LYPLAL1: variants seen among roughly 807,000 people sequenced by gnomAD.
LYPLAL1 encodes lysophospholipase like 1.
Under a neutral mutation model 19.7 loss-of-function variants are expected in LYPLAL1, and 23 were observed. The observed-to-expected ratio is 1.17, with a 90% confidence interval of 0.84 to 1.65. The LOEUF is 1.65. LYPLAL1 is among the 40% of genes most tolerant of loss of function. The pLI is 0.00. For missense variants in LYPLAL1, 355 were observed against 279.4 expected (o/e 1.27, Z -1.93); for synonymous variants, 119 against 96.3 (o/e 1.24, Z -1.38).
chr1:219,241,145 T>A, the LYPLAL1 span, among the ~76,000 whole-genome samples: 1 of 136,260 alleles, frequency 7.3e-6, no homozygotes, highest in African/African-American at 2.7e-5. Context: ...TATATATATA[T>A]ATATATATAT....
At chr1:219,421,680 C>T in the LYPLAL1 span, among the ~76,000 whole-genome samples, 1 of 151,708 alleles carries the variant, frequency 6.6e-6, no homozygotes, top group Non-Finnish European at 1.5e-5. Flanking sequence ...ATAAGTAGTG[C>T]CATGAGATGG....
the LYPLAL1 span, among the ~76,000 whole-genome samples, chr1:219,353,415 C>G: frequency 2.6e-5 from 4 of 152,216 alleles, no homozygotes; most frequent in African/African-American, 9.7e-5. Context: ...CTATTGGAGA[C>G]AGATAAACTG....
chr1:219,283,203 T>C, the LYPLAL1 span, among the ~76,000 whole-genome samples: 1 of 152,100 alleles, frequency 6.6e-6, no homozygotes, highest in African/African-American at 2.4e-5. Context: ...CGGCACCCAG[T>C]AGGACTTTTC....
At chr1:219,419,594 C>CACACACACACACACACACAGAG in the LYPLAL1 span, among the ~76,000 whole-genome samples, 4 of 99,530 alleles carry the variant, frequency 4.0e-5, no homozygotes, top group African/African-American at 1.2e-4. Context: ...CACACACACA[C>CACACACACACACACACACAGAG]AGAGAGAGAG....
chr1:219,410,209 C>T, the LYPLAL1 span: 1 of 152,304 alleles, frequency 6.6e-6, no homozygotes, highest in East Asian at 1.9e-4. Context: ...TCCTCCACTC[C>T]CTATCACATA....
At chr1:219,356,196 A>G in the LYPLAL1 span, among the ~76,000 whole-genome samples, 2 of 152,190 alleles carry the variant, frequency 1.3e-5, no homozygotes, top group Admixed American at 1.3e-4. Context: ...AAATGATTGA[A>G]TGGTTTAAAA....
chr1:219,357,105 A>G, the LYPLAL1 span, among the ~76,000 whole-genome samples: 1 of 152,204 alleles, frequency 6.6e-6, no homozygotes, highest in South Asian at 2.1e-4. Context: ...TATTATTGGG[A>G]AAAAAATTTC....
chr1:219,352,492 T>A, the LYPLAL1 span, among the ~76,000 whole-genome samples: 1 of 152,262 alleles, frequency 6.6e-6, no homozygotes, highest in African/African-American at 2.4e-5. Flanking sequence ...CACTCCAGCC[T>A]GGGTGACGGA....
At chr1:219,345,581 G>A in the LYPLAL1 span, among the ~76,000 whole-genome samples, 5 of 152,072 alleles carry the variant, frequency 3.3e-5, no homozygotes, top group African/African-American at 1.2e-4. Flanking sequence ...GGCAAGTTTT[G>A]GTGAGAACAC....
chr1:219,326,450 G>A, the LYPLAL1 span, among the ~76,000 whole-genome samples: 9 of 152,248 alleles, frequency 5.9e-5, no homozygotes, highest in East Asian at 1.5e-3. Flanking sequence ...AAAGATGGCT[G>A]GGACCCTGAA....
chr1:219,261,531 C>G, the LYPLAL1 span, among the ~76,000 whole-genome samples: 1 of 152,170 alleles, frequency 6.6e-6, no homozygotes, highest in Non-Finnish European at 1.5e-5. Context: ...GGTAGCACTC[C>G]TTTTAACCTT....
the LYPLAL1 span, among the ~76,000 whole-genome samples, chr1:219,315,543 A>G: frequency 6.6e-6 from 1 of 152,312 alleles, no homozygotes; most frequent in East Asian, 1.9e-4. Context: ...CTTAAAATAG[A>G]CATCATTTTA....
At chr1:219,213,227 G>A (rs1050690880), downstream of LYPLAL1, among the ~76,000 whole-genome samples, 5 of 151,964 alleles carry the variant, frequency 3.3e-5, no homozygotes, top group Non-Finnish European at 7.4e-5. Context: ...AATTCAGCTA[G>A]ATCTTGCCTT....
chr1:219,387,808 C>G, the LYPLAL1 span, among the ~76,000 whole-genome samples: 1 of 152,274 alleles, frequency 6.6e-6, no homozygotes, highest in Non-Finnish European at 1.5e-5. Context: ...GTTCTTCTAA[C>G]TGTCTAAATT....
chr1:219,212,795 A>G lies in LYPLAL1; in HGVS notation c.*1067A>G, dbSNP rs570405335. 1 of 152,128 alleles carries G rather than the reference A, an allele frequency of 6.6e-6. No homozygotes were observed. Among genetic ancestry groups the G allele is most frequent in the Non-Finnish European group, 1.5e-5 (1 of 67,912 alleles). 9.4% of individuals were successfully genotyped at this position (152,128 alleles called of 1,614,324 possible). On this transcript the variant is annotated 3_prime_UTR_variant, in exon 5 of 5. Transcript: ENST00000366928. ...TGTATCACTATTTGTTTACACATTCACCACTGATATATAAGTTGCTTCCAG... is the reference window on the plus strand; with the variant it reads ...TGTATCACTATTTGTTTACACATTCGCCACTGATATATAAGTTGCTTCCAG...
chr1:219,232,451 G>T, the LYPLAL1 span, among the ~76,000 whole-genome samples: 1 of 152,084 alleles, frequency 6.6e-6, no homozygotes, highest in African/African-American at 2.4e-5. Context: ...AACATAAGAA[G>T]AAAGTTTCAT....
chr1:219,200,309 C>A, intron 3 of LYPLAL1: 1 of 205,918 alleles, frequency 4.9e-6, no homozygotes. Flanking sequence ...TTTCATCAGT[C>A]ATTTTAGCAA....
At chr1:219,442,889 TGCAGAGAATGA>T in the LYPLAL1 span, among the ~76,000 whole-genome samples, 18 of 152,270 alleles carry the variant, frequency 1.2e-4, no homozygotes, top group South Asian at 3.7e-3. Context: ...GATTGACTCA[TGCAGAGAATGA>T]GCAATCTATA....
chr1:219,299,834 G>C, the LYPLAL1 span, among the ~76,000 whole-genome samples: 19 of 152,112 alleles, frequency 1.2e-4, no homozygotes, highest in African/African-American at 4.6e-4. Context: ...AAGCTGACTA[G>C]TTTTTTCTTG....
Sources: allele counts gnomAD v4.1 joint callset (sites outside exome capture counted in the v4.1 genomes callset), GRCh38; gene constraint gnomAD v4.1.1; transcripts MANE v1.5; gene names NCBI Gene and HGNC (gene_info 2026-07-23, HGNC 2026-07-21).